Variants in SAMD4A observed in about 807,000 individuals in gnomAD.
SAMD4A encodes the protein protein Smaug homolog 1.
A neutral mutation model predicts 81.3 loss-of-function variants in SAMD4A; 33 were observed. That is an observed-to-expected ratio of 0.41 (90% CI 0.31 to 0.54). The LOEUF (loss-of-function observed/expected upper bound fraction) is 0.54, where lower values mean the gene tolerates loss of function less well. Among genes scored for constraint, SAMD4A ranks in the 20% least tolerant of loss-of-function variants. The probability of loss-of-function intolerance (pLI) is 0.37; values close to 1 mark genes in which losing one functional copy is unlikely to be tolerated. For synonymous variants in SAMD4A, 389 were observed against 382.1 expected (o/e 1.02, Z -0.21); for missense variants, 854 against 951.1 (o/e 0.90, Z 1.34).
Position 54,695,587 on chromosome 14 carries a change from C to T in SAMD4A, c.197-6475C>T, listed in dbSNP as rs1483458835. Among the ~76,000 whole-genome samples the T allele has an allele frequency of 1.3e-5, 2 of 152,226 alleles. 1 individual carries two copies. Among genetic ancestry groups the T allele is most frequent in the Middle Eastern group, 6.3e-3 (2 of 316 alleles). On this transcript the variant is annotated intron_variant, in intron 2 of 12. Transcript: ENST00000554335. The stretch of plus-strand genomic sequence containing the variant: ...TCTCATTCAGTGTGGGAGAAAAGCA[C>T]ATAGGTGAATACCAGTAGTCTAGGA...
chr14:54,786,800 G>A (rs537543677), intron 12 of SAMD4A, among the ~76,000 whole-genome samples: 7 of 152,138 alleles, frequency 4.6e-5, no homozygotes, highest in Admixed American at 1.3e-4. Flanking sequence ...AAAAGACTTC[G>A]TTTTTTTCAG....
intron 8 of SAMD4A, among the ~76,000 whole-genome samples, chr14:54,769,219 A>G (rs1466862431): frequency 2.0e-5 from 3 of 152,210 alleles, no homozygotes; most frequent in Non-Finnish European, 4.4e-5. Context: ...CACTTGGTAC[A>G]AACACAAACT....
chr14:54,570,743 T>G (rs945942375), intron 2 of SAMD4A, among the ~76,000 whole-genome samples: 2 of 152,212 alleles, frequency 1.3e-5, no homozygotes, highest in Non-Finnish European at 2.9e-5. Context: ...TTAGATACAC[T>G]CTTTAAGAAG....
intron 2 of SAMD4A, among the ~76,000 whole-genome samples, chr14:54,630,908 A>ATG (rs5808786): frequency 0.042 from 6,043 of 144,008 alleles, 127 homozygotes; most frequent in Middle Eastern, 0.046. Context: ...TGTATTTTAT[A>ATG]TGTGTGTGTG....
intron 2 of SAMD4A, among the ~76,000 whole-genome samples, chr14:54,571,619 G>A (rs1335880950): frequency 6.6e-6 from 1 of 152,024 alleles, no homozygotes; most frequent in African/African-American, 2.4e-5. Flanking sequence ...GTATGTTTGT[G>A]GTAAGTAAAT....
chr14:54,760,084 G>A, intron 6 of SAMD4A, 77 bp from the exon 7 acceptor site: 1 of 1,453,874 alleles, frequency 6.9e-7, no homozygotes. Context: ...AGAGCTCAGG[G>A]CAGGGGAGGG....
chr14:54,672,751 G>A (rs534905245), intron 2 of SAMD4A, among the ~76,000 whole-genome samples: 12 of 152,294 alleles, frequency 7.9e-5, no homozygotes, highest in Non-Finnish European at 1.5e-4. Context: ...ATGTAAATAA[G>A]TCTATGTATG....
chr14:54,710,130 A>T (rs895200000), intron 3 of SAMD4A, among the ~76,000 whole-genome samples: 6 of 152,208 alleles, frequency 3.9e-5, no homozygotes, highest in African/African-American at 1.4e-4. Flanking sequence ...AAGAACTCAG[A>T]AACTTTGGAT....
chr14:54,715,856 TAGAA>T (rs1246072041), intron 3 of SAMD4A, among the ~76,000 whole-genome samples: 1 of 152,086 alleles, frequency 6.6e-6, no homozygotes, highest in Non-Finnish European at 1.5e-5. Flanking sequence ...CTCTGCCATA[TAGAA>T]AGAAAAGAAA....
intron 6 of SAMD4A, 85 bp downstream of exon 6, chr14:54,751,622 A>C (rs955166360): frequency 7.0e-6 from 6 of 862,422 alleles, no homozygotes; most frequent in East Asian, 2.4e-5. Flanking sequence ...TGTCATCGAC[A>C]GACCTTCTAG....
chr14:54,664,490 A>G (rs1003949013), intron 2 of SAMD4A, among the ~76,000 whole-genome samples: 3 of 152,160 alleles, frequency 2.0e-5, no homozygotes, highest in Non-Finnish European at 4.4e-5. Context: ...CGCCCTTGAC[A>G]TGCTCATCGG....
At chr14:54,767,223 T>C (rs1485538421) in intron 8 of SAMD4A, among the ~76,000 whole-genome samples, 2 of 152,194 alleles carry the variant, frequency 1.3e-5, no homozygotes, top group Admixed American at 6.5e-5. Context: ...TGAGGCCCCG[T>C]GAAGGCGCAC....
rs1192203421 is a variant in SAMD4A, at chr14:54,764,456, G to T, written c.1512G>T (p.Val504=). 3.1e-6 allele frequency: 5 copies of T among 1,599,338 alleles called. No individual in the cohort carries two copies. Among genetic ancestry groups the T allele is most frequent in the South Asian group, 2.2e-5 (2 of 89,130 alleles). ...TTCATCTTTTCTTTTTAATTACAGTGTGCACACAGCTCTTGGTCTCCAGAC... is the reference window on the plus strand; with the variant it reads ...TTCATCTTTTCTTTTTAATTACAGTTTGCACACAGCTCTTGGTCTCCAGAC... The part of the protein sequence containing the change: ...PGQFTRVMGK[V]CTQLLVSRPD... The change falls in exon 8 of 13, where the codon GTG becomes GTT. Residue 504 remains valine, a splice_region_variant and synonymous_variant. Transcript: ENST00000554335.
chr14:54,724,003 T>TGGAAGGAA (rs1311416081), intron 3 of SAMD4A, among the ~76,000 whole-genome samples: 1,630 of 56,270 alleles, frequency 0.029, 24 homozygotes, highest in African/African-American at 0.052. Flanking sequence ...GATGGATGGA[T>TGGAAGGAA]GGATGGAAGG....
chr14:54,737,519 G>A (rs892412307), intron 4 of SAMD4A, among the ~76,000 whole-genome samples: 2 of 144,222 alleles, frequency 1.4e-5, no homozygotes, highest in African/African-American at 5.1e-5. Flanking sequence ...AGTAAGAGAG[G>A]TCAACCCACT....
rs1278242279 is a variant in SAMD4A at position 54,664,849 on chromosome 14, A to ACACACACT, written c.197-37212_197-37211insACACACTC. Among the ~76,000 whole-genome samples the ACACACACT allele has an allele frequency of 2.0e-5, 3 of 150,496 alleles. No individual in the cohort carries two copies. In the East Asian group the frequency reaches 5.9e-4, roughly 29 times the overall value. On this transcript the variant is annotated intron_variant, in intron 2 of 12. Transcript: ENST00000554335. Reference sequence around the variant, plus strand: ...CACACACACACACACACACACACACACTTCCTTAAAATAATAAGCTTTAAT... The same window carrying ACACACACT: ...CACACACACACACACACACACACACACACACACTCTTCCTTAAAATAATAAGCTTTAAT...
At chr14:54,770,393 T>G (rs960096832) in intron 9 of SAMD4A, among the ~76,000 whole-genome samples, 171 bp downstream of exon 9, 8 of 152,154 alleles carry the variant, frequency 5.3e-5, no homozygotes, top group Non-Finnish European at 7.3e-5. Flanking sequence ...GAAAAGGCTG[T>G]GAGAGTGAGC....
chr14:54,594,768 G>T (rs893082190), intron 2 of SAMD4A, among the ~76,000 whole-genome samples: 15 of 152,184 alleles, frequency 9.9e-5, no homozygotes, highest in African/African-American at 3.6e-4. Context: ...ACTAGTCTCA[G>T]ACATACTAAC....
rs1594892794 is a variant in SAMD4A at position 54,748,686 on chromosome 14, G to A, written c.980-129G>A. 33 of 643,686 alleles carry A rather than the reference G, an allele frequency of 5.1e-5. No homozygotes were observed. In the South Asian group the frequency reaches 6.2e-4, roughly 12 times the overall value. The allele number at this position is 643,686 out of a possible 1,614,324, so 39.9% of individuals were successfully genotyped here. The stretch of plus-strand genomic sequence containing the variant: ...AAAATTAAATACATAGTAACATAAA[G>A]GTGTTACTTTTTCTTTTTTTTTCCT... On this transcript the variant is annotated intron_variant, in intron 4 of 12. Transcript: ENST00000554335.
Sources: allele counts gnomAD v4.1 joint callset (sites outside exome capture counted in the v4.1 genomes callset), GRCh38; gene constraint gnomAD v4.1.1; transcripts MANE v1.5; gene names NCBI Gene and HGNC (gene_info 2026-07-23, HGNC 2026-07-21).